Variants in CADM2 observed in about 807,000 individuals in gnomAD.
CADM2 encodes the protein cell adhesion molecule 2.
In CADM2, 12 loss-of-function variants were observed where a neutral mutation model predicts 49.8. That is an observed-to-expected ratio of 0.24 (90% confidence interval 0.15 to 0.39). The LOEUF (loss-of-function observed/expected upper bound fraction) is 0.39, where lower values mean the gene tolerates loss of function less well. CADM2 is among the 10% of genes least tolerant of loss of function. The pLI, the probability that CADM2 is intolerant of heterozygous loss-of-function variation, is 1.00. For synonymous variants in CADM2, 214 were observed against 175.4 expected, an observed-to-expected ratio of 1.22 and a Z score of -1.74; for missense variants, 378 against 492.3, an observed-to-expected ratio of 0.77 and a Z score of 2.20.
At chr3:85,930,965 TATA>T (rs1429674155) in intron 6 of CADM2, among the ~76,000 whole-genome samples, 2 of 150,762 alleles carry the variant, frequency 1.3e-5, no homozygotes, top group African/African-American at 4.8e-5. Context: ...TCAGATTAAT[TATA>T]ATGTTAATCT....
At chr3:85,813,087 A>G (rs753403685) in intron 3 of CADM2, among the ~76,000 whole-genome samples, 11 of 152,196 alleles carry the variant, frequency 7.2e-5, no homozygotes, top group Non-Finnish European at 1.6e-4. Flanking sequence ...GCTAGGTCCA[A>G]TGGTATTTCT....
chr3:85,676,028 A>G (rs1191714325), intron 1 of CADM2, among the ~76,000 whole-genome samples: 1 of 152,174 alleles, frequency 6.6e-6, no homozygotes, highest in Non-Finnish European at 1.5e-5. Flanking sequence ...GGCTTTTGGC[A>G]CTCATGTGCA....
chr3:85,161,500 G>A (rs2040323056), intron 1 of CADM2, among the ~76,000 whole-genome samples: 1 of 152,002 alleles, frequency 6.6e-6, no homozygotes, highest in African/African-American at 2.4e-5. Context: ...ACAGTTTCAG[G>A]GCTCAGGGTT....
At chr3:85,398,287 G>A (rs1208865627) in intron 1 of CADM2, among the ~76,000 whole-genome samples, 1 of 151,912 alleles carries the variant, frequency 6.6e-6, no homozygotes, top group Non-Finnish European at 1.5e-5. Flanking sequence ...ATAGTTTGCT[G>A]ACAATGATGG....
chr3:85,750,412 T>C (rs2068812691), intron 2 of CADM2, among the ~76,000 whole-genome samples: 1 of 152,124 alleles, frequency 6.6e-6, no homozygotes, highest in Non-Finnish European at 1.5e-5. Context: ...AGTGGAATTG[T>C]ACAAGCAGCA....
intron 8 of CADM2, among the ~76,000 whole-genome samples, chr3:86,051,355 A>G (rs1296886206): frequency 6.6e-6 from 1 of 152,076 alleles, no homozygotes; most frequent in South Asian, 2.1e-4. Context: ...TGTCCATATC[A>G]CTATCAGCAT....
intron 1 of CADM2, among the ~76,000 whole-genome samples, chr3:85,225,457 C>T (rs934984067): frequency 5.3e-5 from 8 of 152,080 alleles, no homozygotes; most frequent in South Asian, 2.1e-4. Context: ...ATTTTGCATC[C>T]GGAGATGTTG....
chr3:85,184,758 AT>A (rs2041015232), intron 1 of CADM2, among the ~76,000 whole-genome samples: 1 of 152,144 alleles, frequency 6.6e-6, no homozygotes, highest in African/African-American at 2.4e-5. Context: ...TATTGTATAG[AT>A]AGGAGTGCAT....
intron 1 of CADM2, among the ~76,000 whole-genome samples, chr3:85,251,561 A>G: frequency 6.6e-6 from 1 of 152,004 alleles, no homozygotes; most frequent in East Asian, 1.9e-4. Context: ...AAATTAATTG[A>G]AAAAAATTTT....
At chr3:85,713,666 T>C (rs906855550) in intron 1 of CADM2, among the ~76,000 whole-genome samples, 1 of 152,188 alleles carries the variant, frequency 6.6e-6, no homozygotes, top group Non-Finnish European at 1.5e-5. Flanking sequence ...CGTCTATATG[T>C]CAGAGGTCCT....
chr3:84,979,491 C>T (rs983628607), intron 1 of CADM2, among the ~76,000 whole-genome samples: 13 of 152,032 alleles, frequency 8.6e-5, no homozygotes, highest in Non-Finnish European at 1.9e-4. Context: ...TAGAGGATAA[C>T]TAGAGTTATT....
intron 1 of CADM2, among the ~76,000 whole-genome samples, chr3:85,716,688 G>A (rs1210576648): frequency 1.3e-5 from 2 of 152,164 alleles, no homozygotes; most frequent in East Asian, 1.9e-4. Context: ...GTGTAAGGAA[G>A]GGGTCCAGTT....
Position 85,517,188 on chromosome 3 carries a change from T to TAA in CADM2, c.62-209326_62-209325dup, listed in dbSNP as rs547779411. Among the ~76,000 whole-genome samples the TAA allele has an allele frequency of 5.1e-3, 768 of 150,982 alleles. 5 individuals carry two copies. Among genetic ancestry groups the TAA allele is most frequent in the Non-Finnish European group, 9.2e-3 (624 of 67,604 alleles). Reference sequence around the variant, plus strand: ...ATTATTGTGTGATGGTTAGATCTTTTAAAAAAAAACACTAAATTTCAATTT... The same window carrying TAA: ...ATTATTGTGTGATGGTTAGATCTTTTAAAAAAAAAAACACTAAATTTCAATTT... On this transcript the variant is annotated intron_variant, in intron 1 of 9. Transcript: ENST00000383699.
At chr3:85,912,564 CCTCCTTTATCTCA>C in intron 6 of CADM2, 21 bp downstream of exon 6, 1 of 1,595,596 alleles carries the variant, frequency 6.3e-7, no homozygotes, top group Non-Finnish European at 8.6e-7. Context: ...ACTACTTCCC[CCTCCTTTATCTCA>C]GCAGCAAATC....
chr3:85,534,545 T>G (rs968665378), intron 1 of CADM2, among the ~76,000 whole-genome samples: 1 of 152,188 alleles, frequency 6.6e-6, no homozygotes, highest in Non-Finnish European at 1.5e-5. Flanking sequence ...AGTCACACTC[T>G]TCTGTTCAGT....
chr3:85,897,053 G>A (rs1715307699), intron 5 of CADM2, among the ~76,000 whole-genome samples: 1 of 151,884 alleles, frequency 6.6e-6, no homozygotes, highest in Non-Finnish European at 1.5e-5. Flanking sequence ...AATAAGCAAA[G>A]CATTAATAGG....
At chr3:86,005,853 C>A (rs1045245614) in intron 8 of CADM2, among the ~76,000 whole-genome samples, 8 of 152,116 alleles carry the variant, frequency 5.3e-5, no homozygotes, top group African/African-American at 1.9e-4. Context: ...CCTCACCTCC[C>A]CCGCAACCCC....
At chr3:85,575,902 G>T (rs751476645) in intron 1 of CADM2, among the ~76,000 whole-genome samples, 4 of 152,172 alleles carry the variant, frequency 2.6e-5, no homozygotes, top group Non-Finnish European at 1.5e-5. Context: ...TGACACCTAC[G>T]TGTAGACAGA....
chr3:85,936,522 T>TAC (rs1315826848), intron 7 of CADM2, among the ~76,000 whole-genome samples: 2 of 151,836 alleles, frequency 1.3e-5, no homozygotes, highest in Non-Finnish European at 2.9e-5. Context: ...TTGAAAGCAA[T>TAC]ATGATCATTC....
Sources: allele counts gnomAD v4.1 joint callset (sites outside exome capture counted in the v4.1 genomes callset), GRCh38; gene constraint gnomAD v4.1.1; transcripts MANE v1.5; gene names NCBI Gene and HGNC (gene_info 2026-07-23, HGNC 2026-07-21).